CTNNA3: variants seen among roughly 807,000 people sequenced by gnomAD.
CTNNA3 encodes catenin alpha 3, also known as catenin alpha-3.
Under a neutral mutation model 95.7 loss-of-function variants are expected in CTNNA3, and 76 were observed. The observed-to-expected ratio is 0.79, with a 90% CI of 0.66 to 0.96. CTNNA3 has a LOEUF of 0.96. CTNNA3 is among the 40% of genes least tolerant of loss of function. The pLI, the probability that CTNNA3 is intolerant of heterozygous loss-of-function variation, is 0.00. For missense variants in CTNNA3, 1,191 were observed against 1,089.8 expected, an observed-to-expected ratio of 1.09 and a Z score of -1.31; for synonymous variants, 431 against 374.4, an observed-to-expected ratio of 1.15 and a Z score of -1.74.
intron 11 of CTNNA3, among the ~76,000 whole-genome samples, chr10:66,380,600 C>CCTATCTAT (rs3073254): frequency 4.1e-5 from 6 of 145,994 alleles, no homozygotes; most frequent in Admixed American, 2.1e-4. Context: ...AGAGTGAGGC[C>CCTATCTAT]CTATCTATCT....
At chr10:67,072,707 A>G (rs1268227481) in intron 7 of CTNNA3, among the ~76,000 whole-genome samples, 1 of 152,160 alleles carries the variant, frequency 6.6e-6, no homozygotes, top group Non-Finnish European at 1.5e-5. Context: ...CTGGGCCCTG[A>G]AAAAGTTCTC....
chr10:67,494,193 G>T (rs1838953490), intron 5 of CTNNA3, among the ~76,000 whole-genome samples: 1 of 152,136 alleles, frequency 6.6e-6, no homozygotes, highest in Non-Finnish European at 1.5e-5. Context: ...GAAGAAAACT[G>T]AGGGTTTTTT....
At chr10:66,568,002 G>T (rs989824632) in intron 10 of CTNNA3, among the ~76,000 whole-genome samples, 1 of 152,140 alleles carries the variant, frequency 6.6e-6, no homozygotes, top group Non-Finnish European at 1.5e-5. Flanking sequence ...GTTCAAACAT[G>T]TATACTTCAC....
intron 11 of CTNNA3, among the ~76,000 whole-genome samples, chr10:66,380,766 T>G (rs1360382159): frequency 1.3e-5 from 2 of 151,954 alleles, no homozygotes; most frequent in African/African-American, 4.8e-5. Context: ...CTGTTATAAT[T>G]GTTTTCTGTG....
intron 12 of CTNNA3, among the ~76,000 whole-genome samples, chr10:66,289,792 A>C (rs886132564): frequency 6.6e-6 from 1 of 152,080 alleles, no homozygotes; most frequent in African/African-American, 2.4e-5. Context: ...CATGCTAAGC[A>C]TGTTTAAAGT....
At chr10:67,609,796 G>A (rs1460178743) in intron 2 of CTNNA3, among the ~76,000 whole-genome samples, 1 of 152,162 alleles carries the variant, frequency 6.6e-6, no homozygotes, top group African/African-American at 2.4e-5. Flanking sequence ...TTTAACAAAG[G>A]TATTCTCTCT....
intron 13 of CTNNA3, among the ~76,000 whole-genome samples, chr10:66,222,960 T>C (rs2089050609): frequency 6.6e-6 from 1 of 152,166 alleles, no homozygotes. Flanking sequence ...AAGCTTGTTT[T>C]ATTTATATAA....
At chr10:67,038,010 A>G (rs565154313) in intron 7 of CTNNA3, among the ~76,000 whole-genome samples, 2 of 152,270 alleles carry the variant, frequency 1.3e-5, no homozygotes, top group East Asian at 3.9e-4. Context: ...CATGTAAGCC[A>G]TAGGAGACGA....
chr10:67,397,413 C>G (rs1474105385), intron 5 of CTNNA3, among the ~76,000 whole-genome samples: 5 of 152,130 alleles, frequency 3.3e-5, no homozygotes, highest in Admixed American at 3.3e-4. Flanking sequence ...AGCATTTTGC[C>G]CCTGCCCTAG....
intron 7 of CTNNA3, among the ~76,000 whole-genome samples, chr10:67,143,539 G>GTT (rs573855302): frequency 1.2e-3 from 188 of 151,448 alleles, no homozygotes; most frequent in Non-Finnish European, 2.1e-3. Flanking sequence ...CCCTGCCACT[G>GTT]TTTTTTCAAC....
intron 12 of CTNNA3, among the ~76,000 whole-genome samples, chr10:66,337,767 T>G (rs2092412480): frequency 6.6e-6 from 1 of 151,974 alleles, no homozygotes; most frequent in Admixed American, 6.6e-5. Context: ...AACAAGAATG[T>G]AAAGAAATGA....
chr10:66,038,526 A>T (rs1350719149), intron 15 of CTNNA3, among the ~76,000 whole-genome samples: 1 of 152,260 alleles, frequency 6.6e-6, no homozygotes, highest in Admixed American at 6.5e-5. Flanking sequence ...AGTAGGATAT[A>T]CATTTGAGCA....
chr10:66,437,447 C>G (rs1014490864), intron 11 of CTNNA3, among the ~76,000 whole-genome samples: 3 of 152,036 alleles, frequency 2.0e-5, no homozygotes, highest in Non-Finnish European at 4.4e-5. Context: ...GATCTTCAAT[C>G]TCTGATATCC....
chr10:66,490,734 A>G (rs1406461452), intron 11 of CTNNA3, among the ~76,000 whole-genome samples: 2 of 152,110 alleles, frequency 1.3e-5, no homozygotes, highest in Admixed American at 6.6e-5. Flanking sequence ...CAAAATAGCA[A>G]TTCCTAGCAG....
At chr10:66,076,091 A>T (rs2080552169) in intron 14 of CTNNA3, among the ~76,000 whole-genome samples, 1 of 151,652 alleles carries the variant, frequency 6.6e-6, no homozygotes, top group South Asian at 2.1e-4. Context: ...GATAAACTTT[A>T]AAAATATACA....
intron 14 of CTNNA3, among the ~76,000 whole-genome samples, chr10:66,088,504 T>TGTGC (rs1277219627): frequency 1.3e-5 from 2 of 150,600 alleles, no homozygotes; most frequent in African/African-American, 4.9e-5. Flanking sequence ...TGTGTGTGTG[T>TGTGC]GTGTGTGTGT....
At chr10:66,505,956 G>T (rs1405512758) in intron 11 of CTNNA3, among the ~76,000 whole-genome samples, 1 of 152,072 alleles carries the variant, frequency 6.6e-6, no homozygotes, top group African/African-American at 2.4e-5. Context: ...AGGTTTATTT[G>T]GTTCACAATT....
intron 12 of CTNNA3, among the ~76,000 whole-genome samples, chr10:66,294,608 T>G (rs2091743980): frequency 6.6e-6 from 1 of 152,106 alleles, no homozygotes; most frequent in Non-Finnish European, 1.5e-5. Context: ...AAGATCTGAA[T>G]GAGGATGTTG....
intron 9 of CTNNA3, among the ~76,000 whole-genome samples, chr10:66,741,834 A>G (rs34938685): frequency 0.025 from 3,808 of 152,226 alleles, 161 homozygotes; most frequent in East Asian, 0.2. Flanking sequence ...CACTTCCCCA[A>G]TCAATACCCT....
Sources: gnomAD v4.1 joint callset for allele counts (sites outside exome capture counted in the v4.1 genomes callset) on GRCh38, gnomAD v4.1.1 for gene constraint, MANE v1.5 for transcripts, NCBI Gene and HGNC (gene_info 2026-07-23, HGNC 2026-07-21) for gene names.